POLE: variants seen among roughly 807,000 people sequenced by gnomAD.
The protein encoded by POLE is DNA polymerase epsilon, catalytic subunit.
In POLE, 188 loss-of-function variants were observed where a neutral mutation model predicts 279.2. The observed-to-expected ratio is 0.67, with a 90% CI of 0.60 to 0.76. The LOEUF (loss-of-function observed/expected upper bound fraction) is 0.76. Ranked by LOEUF, POLE falls within the 30% of genes least tolerant of loss-of-function variation. The probability of loss-of-function intolerance (pLI) is 0.00; values close to 1 mark genes in which losing one functional copy is unlikely to be tolerated. For synonymous variants in POLE, 1,214 were observed against 1,172.5 expected, an observed-to-expected ratio of 1.04 and a Z score of -0.72; for missense variants, 2,703 against 3,016.7, an observed-to-expected ratio of 0.90 and a Z score of 2.44.
Position 132,647,856 on chromosome 12 carries a change from G to A in POLE, c.4149+1073C>T, listed in dbSNP as rs78341233. ...TTTCCTCTTGTTATCCGCCCACCTC[G>A]GTCTCCCAAAGTGCGGGGATTACAG... On this transcript the variant is annotated intron_variant, in intron 32 of 48. Transcript: ENST00000320574. Among the ~76,000 whole-genome samples the A allele has an allele frequency of 2.5e-4, 38 of 152,118 alleles. No individual in the cohort carries two copies. In the East Asian group the frequency reaches 4.7e-3, roughly 19 times the overall value.
rs115514834 is a variant in POLE, at chr12:132,679,831, C to T, written c.423+123G>A. 2.3e-4 allele frequency: 223 copies of T among 969,134 alleles called. 1 individual carries two copies. In the African/African-American group the frequency reaches 3.2e-3, roughly 14 times the overall value. 60.0% of individuals were successfully genotyped at this position (969,134 alleles called of 1,614,324 possible). A position where few individuals can be genotyped will look rare whatever the true frequency, so the allele number is the denominator to read the frequency against. On this transcript the variant is annotated intron_variant, in intron 5 of 48. Coordinates refer to ENST00000320574, the MANE Select transcript of POLE (RefSeq NM_006231.4). ...AGCTCTTTGGAAGGAATTTTATAGACGGTCACCACACCGCCCCATCACCCA... is the reference window on the plus strand; with the variant it reads ...AGCTCTTTGGAAGGAATTTTATAGATGGTCACCACACCGCCCCATCACCCA...
chr12:132,662,027 G>A (rs1347608409), intron 23 of POLE, among the ~76,000 whole-genome samples: 1 of 152,242 alleles, frequency 6.6e-6, no homozygotes, highest in Non-Finnish European at 1.5e-5. Context: ...GGTTGCAGCT[G>A]TTTTGTGTTG....
At chr12:132,644,789 TG>T (rs1192610399) in intron 32 of POLE, among the ~76,000 whole-genome samples, 4 of 47,098 alleles carry the variant, frequency 8.5e-5, no homozygotes, top group Admixed American at 2.4e-4. Context: ...TGTGGGGTCC[TG>T]GGGGGGTCTG....
rs781212006 is a variant in POLE at position 132,673,297 on chromosome 12, G to C, written c.1360-20C>G. On this transcript the variant is annotated intron_variant, in intron 13 of 48. Transcript: ENST00000320574. ...CAGAGTCTGAGGAGAGAACGCCAGA[G>C]AGCAGGGCCATCAAAAATCAAGAGC... is the stretch of plus-strand genomic sequence containing the variant. 37 of 1,509,212 alleles carry C rather than the reference G, an allele frequency of 2.5e-5. No homozygotes were observed. The highest frequency in any genetic ancestry group is 1.7e-4 in the Middle Eastern group (1 of 5,904). 93.5% of individuals were successfully genotyped at this position (1,509,212 alleles called of 1,614,324 possible). A position where few individuals can be genotyped will look rare whatever the true frequency, so the allele number is the denominator to read the frequency against.
intron 38 of POLE, 70 bp downstream of exon 38, chr12:132,642,107 T>C: frequency 7.5e-7 from 1 of 1,331,482 alleles, no homozygotes; most frequent in Non-Finnish European, 1.0e-6. Flanking sequence ...CACTATTGCC[T>C]TGAGAAGATG....
At chr12:132,662,084 G>T (rs530054352) in intron 23 of POLE, among the ~76,000 whole-genome samples, 1 of 152,324 alleles carries the variant, frequency 6.6e-6, no homozygotes, top group East Asian at 1.9e-4. Context: ...CAAACCCACA[G>T]GGCTGTACGC....
chr12:132,680,144 G>A (rs779802023), intron 4 of POLE, 34 bp downstream of exon 4: 13 of 1,609,326 alleles, frequency 8.1e-6, no homozygotes, highest in Non-Finnish European at 1.1e-5. Context: ...ATGACACACA[G>A]GTCGTCTGAC....
In POLE at chr12:132,672,830, T is replaced by G. The variant is rs892221174; in HGVS notation, c.1483A>C (p.Lys495Gln). The part of the protein sequence containing the change: ...IPMEPDEVLR[K>Q]GSGTLCEALL... Reference sequence around the variant, plus strand: ...GCCTCACACAGAGTGCCAGAGCCCTTCCGCAGCACCTGCAAGAGAAACCAA... The same window carrying G: ...GCCTCACACAGAGTGCCAGAGCCCTGCCGCAGCACCTGCAAGAGAAACCAA... The change falls in exon 15 of 49, where the codon AAG (lysine) becomes CAG (glutamine). Residue 495 changes from lysine (K) to glutamine (Q), a missense_variant. By Grantham distance (53) the Lys-to-Gln change is moderately conservative (BLOSUM62 1). This residue lies in a region of POLE where 1,011 missense variants were observed against 1,111.7 expected (regional missense o/e 0.91). Coordinates refer to ENST00000320574, the MANE Select transcript of POLE (RefSeq NM_006231.4). 6.2e-7 allele frequency: 1 copy of G among 1,613,904 alleles called. No homozygotes were observed.
In POLE at chr12:132,687,301, G is replaced by C. The variant is rs1361332747; in HGVS notation, c.15C>G (p.Ser5Arg). The C allele has an allele frequency of 2.7e-6, 4 of 1,504,696 alleles. No individual in the cohort carries two copies. The highest frequency in any genetic ancestry group is 2.1e-5 in the Admixed American group (1 of 48,108). The allele number at this position is 1,504,696 out of a possible 1,614,324, so 93.2% of individuals were successfully genotyped here. A position where few individuals can be genotyped will look rare whatever the true frequency, so the allele number is the denominator to read the frequency against. ...CTGGGTCCGCGCGCCGCCGCCCGCC[G>C]CTCCTCAGAGACATGGAGCCGTTGG... MSLR[S>R]GGRRRADPGA... Residue 5 changes from serine (S) to arginine (R), a missense_variant, in exon 1 of 49, where the codon AGC becomes AGG. This residue lies in a region of POLE where 1,011 missense variants were observed against 1,111.7 expected (regional missense o/e 0.91). Coordinates refer to ENST00000320574, the MANE Select transcript of POLE (RefSeq NM_006231.4).
chr12:132,671,198 G>C (rs1006231251), intron 16 of POLE, among the ~76,000 whole-genome samples: 4 of 139,450 alleles, frequency 2.9e-5, no homozygotes, highest in Non-Finnish European at 6.0e-5. Context: ...AGGAGGCAAA[G>C]GTTGCAGTAA....
At chr12:132,672,091 A>C (rs2042940152) in intron 16 of POLE, 124 bp downstream of exon 16, 1 of 695,008 alleles carries the variant, frequency 1.4e-6, no homozygotes, top group African/African-American at 1.7e-5. Context: ...CCCACCAGAG[A>C]CCCTGTGTCA....
chr12:132,685,041 A>C lies in POLE; in HGVS notation c.62+2213T>G, dbSNP rs12823038. ...CCATTGACTGGTTACTGTATCACAC[A>C]ATCCCAGTACTCCACAGGCTCTCAT... is the stretch of plus-strand genomic sequence containing the variant. On this transcript the variant is annotated intron_variant, in intron 1 of 48. Coordinates refer to ENST00000320574, the MANE Select transcript of POLE (RefSeq NM_006231.4). Among the ~76,000 whole-genome samples, 83 of 76,232 alleles carry C rather than the reference A, an allele frequency of 1.1e-3. 3 individuals are homozygous for C. Among genetic ancestry groups the C allele is most frequent in the African/African-American group, 3.4e-3 (75 of 22,260 alleles). 50.0% of individuals were successfully genotyped at this position (76,232 alleles called of 152,430 possible).
At chr12:132,667,682 T>A (rs754435601) in intron 19 of POLE, 34 bp from the exon 20 acceptor site, 2 of 1,611,216 alleles carry the variant, frequency 1.2e-6, no homozygotes, top group South Asian at 2.2e-5. Flanking sequence ...AGCAGGTGGG[T>A]GAGATCTCCC....
At chr12:132,626,078 C>G in intron 46 of POLE, 39 bp downstream of exon 46, 1 of 1,552,164 alleles carries the variant, frequency 6.4e-7, no homozygotes, top group Non-Finnish European at 8.7e-7. Flanking sequence ...CTCGGATGTT[C>G]TGCTCCACAG....
intron 48 of POLE, 40 bp downstream of exon 48, chr12:132,624,862 CAAG>C: frequency 8.6e-7 from 1 of 1,168,602 alleles, no homozygotes; most frequent in South Asian, 1.3e-5. Flanking sequence ...GAGAGGAGGC[CAAG>C]GAGGCCAGGC....
At chr12:132,648,708 G>A (rs947758411) in intron 32 of POLE, 6 of 481,260 alleles carry the variant, frequency 1.2e-5, no homozygotes, top group African/African-American at 5.8e-5. Flanking sequence ...TGGACCTCGC[G>A]GGCAGACAAG....
chr12:132,648,852 G>A (rs2042347055), intron 32 of POLE, 77 bp downstream of exon 32: 2 of 1,461,190 alleles, frequency 1.4e-6, no homozygotes, highest in Non-Finnish European at 1.9e-6. Context: ...GATGGAGGCT[G>A]GAGGCCAGGC....
At chr12:132,681,696 AT>A (rs1176146883) in intron 1 of POLE, among the ~76,000 whole-genome samples, 1 of 152,238 alleles carries the variant, frequency 6.6e-6, no homozygotes, top group East Asian at 1.9e-4. Flanking sequence ...GCTCATTAAG[AT>A]AAAAGGACTC....
chr12:132,657,539 A>C (rs757333162), intron 27 of POLE, 110 bp from the exon 28 acceptor site: 102 of 923,544 alleles, frequency 1.1e-4, no homozygotes, highest in Admixed American at 9.3e-4. Flanking sequence ...TAATCCTCTC[A>C]GAAACTCTAT....
Sources: allele counts gnomAD v4.1 joint callset (sites outside exome capture counted in the v4.1 genomes callset), GRCh38; gene constraint gnomAD v4.1.1; regional missense constraint gnomAD v4.1.1; transcripts MANE v1.5; gene names NCBI Gene and HGNC (gene_info 2026-07-23, HGNC 2026-07-21).